The following PI4KA variants were observed in gnomAD, a reference collection of about 807,000 sequenced individuals.
The protein encoded by PI4KA is phosphatidylinositol 4-kinase alpha, also known as PI4-kinase alpha.
A neutral mutation model predicts 271.4 loss-of-function variants in PI4KA; 122 were observed. The observed-to-expected ratio is 0.45, with a 90% CI of 0.39 to 0.52. PI4KA has a LOEUF of 0.52. Among genes scored for constraint, PI4KA ranks in the 20% least tolerant of loss-of-function variants. PI4KA has a pLI of 0.00. For synonymous variants in PI4KA, 1,041 were observed against 1,078.8 expected (o/e 0.96, Z 0.69); for missense variants, 1,969 against 2,769.1 (o/e 0.71, Z 6.48).
At chr22:20,757,053 A>T (rs1931388183) in intron 23 of PI4KA, among the ~76,000 whole-genome samples, 1 of 152,218 alleles carries the variant, frequency 6.6e-6, no homozygotes, top group Non-Finnish European at 1.5e-5. Flanking sequence ...TCCTGCCCTC[A>T]CGTTCCTGTG....
At chr22:20,729,159 G>A (rs758931456) in intron 39 of PI4KA, among the ~76,000 whole-genome samples, 154 bp downstream of exon 39, 7 of 152,180 alleles carry the variant, frequency 4.6e-5, no homozygotes, top group African/African-American at 7.2e-5. Flanking sequence ...AGAAGGGCTC[G>A]GGGAGTGTCC....
Position 20,826,209 on chromosome 22 carries a change from G to A in PI4KA, c.368-1795C>T, listed in dbSNP as rs557515142. ...AATATAAAAATTAGCCGGGTGTAGT[G>A]GCACATGCCTATAATCCCAGCTACT... On this transcript the variant is annotated intron_variant, in intron 3 of 54. Coordinates refer to ENST00000255882, the MANE Select transcript of PI4KA (RefSeq NM_058004.4). Among the ~76,000 whole-genome samples the A allele has an allele frequency of 1.9e-4, 29 of 152,230 alleles. No homozygotes were observed. The South Asian group carries it at 6.0e-3, about 32-fold the overall frequency.
At chr22:20,785,588 T>G (rs1934152992) in intron 19 of PI4KA, among the ~76,000 whole-genome samples, 1 of 152,298 alleles carries the variant, frequency 6.6e-6, no homozygotes, top group Non-Finnish European at 1.5e-5. Flanking sequence ...CAGCATTGTC[T>G]AGTATATACA....
intron 42 of PI4KA, among the ~76,000 whole-genome samples, chr22:20,724,070 C>A (rs1927062001): frequency 6.6e-6 from 1 of 151,916 alleles, no homozygotes; most frequent in East Asian, 2.0e-4. Context: ...GATCTCCTGA[C>A]CTCGTGATCC....
intron 19 of PI4KA, among the ~76,000 whole-genome samples, chr22:20,790,735 C>A: frequency 6.7e-6 from 1 of 148,514 alleles, no homozygotes; most frequent in South Asian, 2.1e-4. Flanking sequence ...CACACACACA[C>A]ACACACAACA....
chr22:20,803,109 C>T, intron 13 of PI4KA, 82 bp downstream of exon 13: 1 of 1,408,988 alleles, frequency 7.1e-7, no homozygotes, highest in Non-Finnish European at 1.0e-6. Context: ...CACCCAGGTA[C>T]AGTCATGAAA....
chr22:20,728,646 T>C (rs1927647685), intron 39 of PI4KA, among the ~76,000 whole-genome samples: 1 of 152,218 alleles, frequency 6.6e-6, no homozygotes, highest in East Asian at 1.9e-4. Flanking sequence ...ATGAGCACTG[T>C]GCTTTGAGAC....
At chr22:20,824,013 G>A (rs541905112) in intron 4 of PI4KA, among the ~76,000 whole-genome samples, 2 of 151,808 alleles carry the variant, frequency 1.3e-5, no homozygotes, top group Non-Finnish European at 2.9e-5. Flanking sequence ...AGCTGCCTCT[G>A]CCTTTTTCTG....
At chr22:20,823,215 C>T (rs12165574) in intron 4 of PI4KA, among the ~76,000 whole-genome samples, 6,382 of 152,154 alleles carry the variant, frequency 0.042, 421 homozygotes, top group African/African-American at 0.14. Flanking sequence ...CACCCAGCCA[C>T]TTTTTCCATT....
intron 19 of PI4KA, chr22:20,785,890 G>C (rs548758030): frequency 1.4e-6 from 2 of 1,403,806 alleles, no homozygotes; most frequent in Admixed American, 3.4e-5. Flanking sequence ...ATTTTAATAA[G>C]TGCTATATCA....
intron 14 of PI4KA, among the ~76,000 whole-genome samples, 157 bp from the exon 15 acceptor site, chr22:20,799,923 AATTACTCCAG>A (rs1935202408): frequency 6.6e-6 from 1 of 152,206 alleles, no homozygotes; most frequent in Non-Finnish European, 1.5e-5. Context: ...GAATTCAAAG[AATTACTCCAG>A]ATTTTGCCCA....
chr22:20,773,604 T>TA (rs1247898018), intron 19 of PI4KA, among the ~76,000 whole-genome samples: 3 of 152,168 alleles, frequency 2.0e-5, no homozygotes, highest in Non-Finnish European at 4.4e-5. Context: ...CCTTATTCTG[T>TA]AAGCCACTAA....
chr22:20,751,538 C>T, intron 26 of PI4KA, 136 bp downstream of exon 26: 1 of 948,586 alleles, frequency 1.1e-6, no homozygotes, highest in Non-Finnish European at 1.7e-6. Context: ...CCCTCACCCC[C>T]AACTCGACAC....
chr22:20,799,621 G>T (rs772723385), intron 15 of PI4KA, 50 bp downstream of exon 15: 15 of 1,319,814 alleles, frequency 1.1e-5, no homozygotes, highest in Admixed American at 2.0e-5. Flanking sequence ...CCCCACACGA[G>T]CCTGCTGAGA....
intron 1 of PI4KA, among the ~76,000 whole-genome samples, chr22:20,850,073 T>C (rs968715872): frequency 6.6e-6 from 1 of 152,168 alleles, no homozygotes; most frequent in Non-Finnish European, 1.5e-5. Flanking sequence ...ACTCTGTGAA[T>C]ACACTAAATA....
chr22:20,709,959 A>G lies in PI4KA; in HGVS notation c.6122T>C (p.Met2041Thr), dbSNP rs1601301648. 1 of 1,613,770 alleles carries G rather than the reference A, an allele frequency of 6.2e-7. No individual in the cohort carries two copies. The highest frequency in any genetic ancestry group is 2.2e-5 in the East Asian group (1 of 44,886). ...MDAVVSLVTLMLDTGLPCFRG... is the reference protein window; with the variant it reads ...MDAVVSLVTLTLDTGLPCFRG... ...AAAACAGGGCAGGCCCGTGTCCAAC[A>G]TGAGAGTGACCAGGGAGACGACCGC... is the stretch of plus-strand genomic sequence containing the variant. Residue 2041 changes from methionine to threonine, a missense_variant, in exon 53 of 55, where the codon ATG becomes ACG. Around this residue, in one of 13 missense-constraint regions of PI4KA, gnomAD observed 110 missense variants for 349.8 expected, o/e 0.31. Coordinates refer to ENST00000255882, the MANE Select transcript of PI4KA (RefSeq NM_058004.4).
chr22:20,788,387 C>T (rs1934410191), intron 19 of PI4KA, among the ~76,000 whole-genome samples: 1 of 152,208 alleles, frequency 6.6e-6, no homozygotes, highest in Non-Finnish European at 1.5e-5. Context: ...GGGAACGTCA[C>T]TGCCCTTTGT....
At chr22:20,760,532 A>G (rs1366475778) in intron 23 of PI4KA, among the ~76,000 whole-genome samples, 1 of 152,208 alleles carries the variant, frequency 6.6e-6, no homozygotes, top group Non-Finnish European at 1.5e-5. Flanking sequence ...TAATTTGCAT[A>G]TAATAAAATC....
At chr22:20,823,394 G>C (rs1396543723) in intron 4 of PI4KA, among the ~76,000 whole-genome samples, 2 of 152,088 alleles carry the variant, frequency 1.3e-5, no homozygotes. Flanking sequence ...ATCTAAATTA[G>C]TCAAAATACA....
Sources: allele counts gnomAD v4.1 joint callset (sites outside exome capture counted in the v4.1 genomes callset), GRCh38; gene constraint gnomAD v4.1.1; regional missense constraint gnomAD v4.1.1; transcripts MANE v1.5; gene names NCBI Gene and HGNC (gene_info 2026-07-23, HGNC 2026-07-21).